HHAT: variants seen among roughly 807,000 people sequenced by gnomAD.
HHAT encodes the protein hedgehog acyltransferase, also known as protein-cysteine N-palmitoyltransferase HHAT.
Under a neutral mutation model 70.8 loss-of-function variants are expected in HHAT, and 47 were observed. The observed-to-expected ratio is 0.66, with a 90% CI of 0.53 to 0.85. The LOEUF (loss-of-function observed/expected upper bound fraction) is 0.85, where lower values mean the gene tolerates loss of function less well. Ranked by LOEUF, HHAT falls within the 40% of genes least tolerant of loss-of-function variation. The probability of loss-of-function intolerance (pLI) is 0.00; values close to 1 mark genes in which losing one functional copy is unlikely to be tolerated. For missense variants in HHAT, 609 were observed against 604.8 expected (o/e 1.01, Z -0.07); for synonymous variants, 228 against 247.6 (o/e 0.92, Z 0.74).
chr1:210,498,702 T>C (rs2094695650), intron 8 of HHAT, among the ~76,000 whole-genome samples: 1 of 151,886 alleles, frequency 6.6e-6, no homozygotes, highest in Non-Finnish European at 1.5e-5. Context: ...ACTGTTGGCA[T>C]AGTGGATTAT....
chr1:210,562,446 C>G (rs764923932), intron 9 of HHAT, among the ~76,000 whole-genome samples: 6 of 151,808 alleles, frequency 4.0e-5, no homozygotes, highest in Non-Finnish European at 7.4e-5. Context: ...TGTCCTGAGG[C>G]CATTCATGAT....
At chr1:210,605,452 C>G (rs1665197850) in intron 10 of HHAT, among the ~76,000 whole-genome samples, 1 of 152,188 alleles carries the variant, frequency 6.6e-6, no homozygotes, top group African/African-American at 2.4e-5. Context: ...AATATTCCAG[C>G]CCTCAGTACT....
In HHAT at chr1:210,371,208, G is replaced by C. The variant is rs185619716; in HGVS notation, c.159+8289G>C. Among the ~76,000 whole-genome samples, 13 of 152,198 alleles carry C rather than the reference G, an allele frequency of 8.5e-5. No homozygotes were observed. The East Asian group carries it at 2.5e-3, about 30-fold the overall frequency. On this transcript the variant is annotated intron_variant, in intron 3 of 11. Transcript: ENST00000261458. ...ACTCTATTGCCTGTGTTAGAGTGCA[G>C]TGGCACAACCATGGTTCACTGTAAC...
At chr1:210,623,853 G>A (rs1027881852) in intron 11 of HHAT, among the ~76,000 whole-genome samples, 183 bp downstream of exon 11, 2 of 152,084 alleles carry the variant, frequency 1.3e-5, no homozygotes, top group Admixed American at 1.3e-4. Flanking sequence ...AGTGTCCCCT[G>A]TTTTTGAGGT....
At chr1:210,437,248 C>T (rs1287347794) in intron 7 of HHAT, among the ~76,000 whole-genome samples, 3 of 151,836 alleles carry the variant, frequency 2.0e-5, no homozygotes, top group Admixed American at 2.0e-4. Context: ...ACTAGTGAAT[C>T]CCATAGCCCA....
intron 3 of HHAT, among the ~76,000 whole-genome samples, chr1:210,370,517 A>G (rs936324820): frequency 2.0e-5 from 3 of 151,590 alleles, no homozygotes; most frequent in African/African-American, 7.3e-5. Flanking sequence ...CCCATGAACT[A>G]CTAGATAGAA....
chr1:210,490,204 T>G (rs550172250), intron 8 of HHAT, among the ~76,000 whole-genome samples: 3 of 152,306 alleles, frequency 2.0e-5, no homozygotes, highest in Non-Finnish European at 4.4e-5. Flanking sequence ...GCCAAGGCCT[T>G]CAAGTCATGG....
At chr1:210,468,451 G>C (rs139407316) in intron 8 of HHAT, among the ~76,000 whole-genome samples, 1 of 152,292 alleles carries the variant, frequency 6.6e-6, no homozygotes, top group Non-Finnish European at 1.5e-5. Flanking sequence ...ATGCTTTCAG[G>C]TGTTCAGAGG....
At chr1:210,623,226 C>G (rs1403178885) in intron 10 of HHAT, among the ~76,000 whole-genome samples, 4 of 152,098 alleles carry the variant, frequency 2.6e-5, no homozygotes, top group Non-Finnish European at 5.9e-5. Context: ...CATATGCCAC[C>G]ATGCCCAGCT....
intron 10 of HHAT, among the ~76,000 whole-genome samples, chr1:210,620,109 C>T (rs1308931820): frequency 1.3e-5 from 2 of 152,206 alleles, no homozygotes; most frequent in Non-Finnish European, 2.9e-5. Flanking sequence ...CAGGGGTAAT[C>T]GCTGTAGGAC....
At chr1:210,564,171 C>A (rs2095648998) in intron 9 of HHAT, among the ~76,000 whole-genome samples, 2 of 151,284 alleles carry the variant, frequency 1.3e-5, no homozygotes, top group African/African-American at 4.9e-5. Flanking sequence ...CCATGCTGGC[C>A]AGGCTGATGT....
intron 7 of HHAT, among the ~76,000 whole-genome samples, chr1:210,448,846 G>A (rs977906309): frequency 6.6e-6 from 1 of 152,166 alleles, no homozygotes; most frequent in African/African-American, 2.4e-5. Context: ...TAGATAAGGT[G>A]GACCTGACTC....
At chr1:210,666,948 C>T (rs570538679) in intron 11 of HHAT, among the ~76,000 whole-genome samples, 114 of 150,530 alleles carry the variant, frequency 7.6e-4, no homozygotes, top group Non-Finnish European at 1.1e-3. Context: ...GGCGCAGTGG[C>T]GGGTGCCTGT....
intron 10 of HHAT, among the ~76,000 whole-genome samples, chr1:210,595,616 C>G (rs150935005): frequency 0.081 from 12,375 of 152,250 alleles, 667 homozygotes; most frequent in Middle Eastern, 0.15. Flanking sequence ...TCCACATCCT[C>G]TCCACCACCT....
At chr1:210,613,431 G>A (rs142519659) in intron 10 of HHAT, among the ~76,000 whole-genome samples, 84 of 152,196 alleles carry the variant, frequency 5.5e-4, no homozygotes, top group Admixed American at 1.2e-3. Context: ...CTATTTAACC[G>A]TATATAAGGG....
chr1:210,533,506 G>A (rs1464979476), intron 9 of HHAT, among the ~76,000 whole-genome samples: 1 of 152,148 alleles, frequency 6.6e-6, no homozygotes, highest in Non-Finnish European at 1.5e-5. Flanking sequence ...TCTGGAGATG[G>A]TCTTTTCATG....
chr1:210,514,686 G>A (rs1191044829), intron 9 of HHAT, among the ~76,000 whole-genome samples: 1 of 152,200 alleles, frequency 6.6e-6, no homozygotes, highest in Admixed American at 6.5e-5. Flanking sequence ...AGGAGGGAAT[G>A]AATGAGATGA....
intron 11 of HHAT, among the ~76,000 whole-genome samples, chr1:210,663,106 A>T (rs771779492): frequency 2.6e-5 from 4 of 152,140 alleles, no homozygotes; most frequent in Non-Finnish European, 5.9e-5. Context: ...GGCACTGGGA[A>T]CATGCTCTTC....
At chr1:210,352,481 A>G (rs2087126634) in intron 2 of HHAT, among the ~76,000 whole-genome samples, 1 of 152,160 alleles carries the variant, frequency 6.6e-6, no homozygotes, top group African/African-American at 2.4e-5. Flanking sequence ...TTTACTCTGA[A>G]CTTTTTTAGG....
Sources: allele counts gnomAD v4.1 joint callset (sites outside exome capture counted in the v4.1 genomes callset), GRCh38; gene constraint gnomAD v4.1.1; transcripts MANE v1.5; gene names NCBI Gene and HGNC (gene_info 2026-07-23, HGNC 2026-07-21).